The following GLDC variants were observed in gnomAD, a reference collection of about 807,000 sequenced individuals.
GLDC encodes the protein glycine decarboxylase, also known as glycine dehydrogenase (decarboxylating), mitochondrial.
GLDC carries 104 observed loss-of-function variants against 121.3 expected under a neutral mutation model. That is an observed-to-expected ratio of 0.86 (90% confidence interval 0.73 to 1.01). The LOEUF (loss-of-function observed/expected upper bound fraction) is 1.01, where lower values mean the gene tolerates loss of function less well. Among genes scored for constraint, GLDC ranks in the 50% least tolerant of loss-of-function variants. GLDC has a pLI of 0.00. For missense variants in GLDC, 1,429 were observed against 1,306.6 expected, an observed-to-expected ratio of 1.09 and a Z score of -1.44; for synonymous variants, 546 against 480.6, an observed-to-expected ratio of 1.14 and a Z score of -1.78.
chr9:6,543,633 C>T (rs1442344254), intron 21 of GLDC, among the ~76,000 whole-genome samples: 1 of 152,186 alleles, frequency 6.6e-6, no homozygotes, highest in Non-Finnish European at 1.5e-5. Context: ...GGAATTCCAG[C>T]ATCTCTCTCC....
chr9:6,641,244 G>C (rs757505879), intron 2 of GLDC, among the ~76,000 whole-genome samples: 6 of 152,176 alleles, frequency 3.9e-5, no homozygotes, highest in Non-Finnish European at 7.3e-5. Context: ...ATCTAGCAGA[G>C]CATCACTGCT....
chr9:6,577,032 C>G (rs1282508859), intron 15 of GLDC, among the ~76,000 whole-genome samples: 3 of 152,164 alleles, frequency 2.0e-5, no homozygotes, highest in Non-Finnish European at 4.4e-5. Context: ...AGAAAGGTCC[C>G]TGCTGCAGCA....
At chr9:6,592,259 C>G (rs374125258) in intron 10 of GLDC, 36 bp from the exon 11 acceptor site, 1 of 1,237,900 alleles carries the variant, frequency 8.1e-7, no homozygotes, top group African/African-American at 1.5e-5. Context: ...AACATCAACT[C>G]TAAACTCCAC....
In GLDC at chr9:6,589,135, C is replaced by G. The variant is rs1300500099; in HGVS notation, c.1580+60G>C. The G allele has an allele frequency of 4.9e-6, 5 of 1,020,952 alleles. No individual in the cohort carries two copies. In the African/African-American group the frequency reaches 7.8e-5, roughly 16 times the overall value. 63.2% of individuals were successfully genotyped at this position (1,020,952 alleles called of 1,614,324 possible). On this transcript the variant is annotated intron_variant, in intron 12 of 24. Coordinates refer to ENST00000321612, the MANE Select transcript of GLDC (RefSeq NM_000170.3). ...AGGCGAAATCAGCAGCAGCACTCTG[C>G]CTAACTCCCTAGCTGATTACCAAAG...
intron 21 of GLDC, 99 bp from the exon 22 acceptor site, chr9:6,540,245 T>C (rs1817226997): frequency 2.4e-6 from 2 of 825,058 alleles, no homozygotes; most frequent in South Asian, 1.4e-5. Flanking sequence ...ATCAGCTTTT[T>C]ATGTGTATCA....
At chr9:6,622,966 C>T (rs1157856824) in intron 2 of GLDC, 4 of 193,200 alleles carry the variant, frequency 2.1e-5, no homozygotes, top group South Asian at 1.5e-4. Flanking sequence ...CGTCTCCGCC[C>T]GGCAGCCACC....
chr9:6,555,202 G>A (rs925934531), intron 18 of GLDC, among the ~76,000 whole-genome samples: 6 of 152,124 alleles, frequency 3.9e-5, no homozygotes, highest in East Asian at 1.9e-4. Flanking sequence ...GCACGTTACC[G>A]AACGGCCCCG....
chr9:6,591,529 T>C (rs1264041125), intron 11 of GLDC, among the ~76,000 whole-genome samples: 1 of 152,234 alleles, frequency 6.6e-6, no homozygotes, highest in African/African-American at 2.4e-5. Flanking sequence ...AATTTTCCAA[T>C]GAATGACATA....
chr9:6,584,586 TC>T (rs1818231593), intron 15 of GLDC, among the ~76,000 whole-genome samples: 1 of 152,214 alleles, frequency 6.6e-6, no homozygotes, highest in South Asian at 2.1e-4. Context: ...GTGTATCCCT[TC>T]CTTTTTTCTG....
chr9:6,553,283 A>T, intron 20 of GLDC, 85 bp downstream of exon 20: 1 of 1,205,794 alleles, frequency 8.3e-7, no homozygotes, highest in South Asian at 1.3e-5. Flanking sequence ...TTTGTTTTTA[A>T]GCCAAGAAGT....
intron 2 of GLDC, among the ~76,000 whole-genome samples, chr9:6,641,687 G>A (rs1257078545): frequency 6.6e-6 from 1 of 152,166 alleles, no homozygotes; most frequent in Non-Finnish European, 1.5e-5. Flanking sequence ...ATGAAAGCAC[G>A]TTAAAGAGTG....
intron 2 of GLDC, among the ~76,000 whole-genome samples, chr9:6,636,822 G>A (rs1311554644): frequency 7.2e-5 from 11 of 152,050 alleles, no homozygotes; most frequent in Non-Finnish European, 1.6e-4. Flanking sequence ...AGTGGCTCAT[G>A]ACTGTAATCC....
chr9:6,639,627 C>G, intron 2 of GLDC: 1 of 627,496 alleles, frequency 1.6e-6, no homozygotes, highest in Non-Finnish European at 2.9e-6. Flanking sequence ...GTCCAGCTGC[C>G]TAATTCTAAA....
At chr9:6,597,734 A>T (rs1366675715) in intron 8 of GLDC, among the ~76,000 whole-genome samples, 1 of 152,158 alleles carries the variant, frequency 6.6e-6, no homozygotes, top group Non-Finnish European at 1.5e-5. Context: ...CAGGAGATCG[A>T]GACCATCCTG....
At chr9:6,556,718 G>T (rs902247196) in intron 17 of GLDC, among the ~76,000 whole-genome samples, 1 of 151,860 alleles carries the variant, frequency 6.6e-6, no homozygotes, top group Non-Finnish European at 1.5e-5. Context: ...TGCTTGAACC[G>T]GTGAGGTGGA....
chr9:6,593,154 C>G, intron 9 of GLDC, 164 bp from the exon 10 acceptor site: 2 of 675,776 alleles, frequency 3.0e-6, no homozygotes, highest in Non-Finnish European at 5.3e-6. Context: ...TATTATCATG[C>G]TGTAGAAAAT....
chr9:6,595,044 C>A lies in GLDC; in HGVS notation c.1231G>T (p.Val411Leu). Reference sequence around the variant, plus strand: ...GACAAAATCAAAGTGGCATTATGTACCCTCCTAGCAATATGCTCCAGCCCA... The same window carrying A: ...GACAAAATCAAAGTGGCATTATGTAACCTCCTAGCAATATGCTCCAGCCCA... ...SHGLEHIARR[V>L]HNATLILSEG... Residue 411 changes from valine (V) to leucine (L), a missense_variant, in exon 9 of 25, where the codon GTA becomes TTA. Physicochemically the swap from Val to Leu is conservative, Grantham distance 32. Coordinates refer to ENST00000321612, the MANE Select transcript of GLDC (RefSeq NM_000170.3). 6.2e-7 allele frequency: 1 copy of A among 1,610,836 alleles called. No homozygotes were observed.
Position 6,534,799 on chromosome 9 carries a change from G to C in GLDC, c.2839-11C>G. Reference sequence around the variant, plus strand: ...GGAGTGTGGAGACATCTGAGACAGAGACACGGACAGAGGAGGGGTCAGAGC... The same window carrying C: ...GGAGTGTGGAGACATCTGAGACAGACACACGGACAGAGGAGGGGTCAGAGC... On this transcript the variant is annotated splice_polypyrimidine_tract_variant and intron_variant, in intron 23 of 24. Transcript: ENST00000321612. 6.7e-7 allele frequency: 1 copy of C among 1,499,764 alleles called. No individual in the cohort carries two copies. The highest frequency in any genetic ancestry group is 9.3e-7 in the Non-Finnish European group (1 of 1,075,912). The allele number at this position is 1,499,764 out of a possible 1,614,324, so 92.9% of individuals were successfully genotyped here. A position where few individuals can be genotyped will look rare whatever the true frequency, so the allele number is the denominator to read the frequency against.
chr9:6,606,615 T>A lies in GLDC; in HGVS notation c.690A>T (p.Ile230=). ...ACTTGGCTCGAGTCTGGACAACAGC[T>A]ATTGTCTGTGGGTGGCAACGGGGAT... ...LVDPRCHPQT[I]AVVQTRAKYT... The change falls in exon 5 of 25, where the codon ATA becomes ATT. Residue 230 remains isoleucine (I), a synonymous_variant. Transcript: ENST00000321612. The A allele has an allele frequency of 6.2e-7, 1 of 1,605,788 alleles. No individual in the cohort carries two copies. The highest frequency in any genetic ancestry group is 8.5e-7 in the Non-Finnish European group (1 of 1,172,546).
Sources: gnomAD v4.1 joint callset for allele counts (sites outside exome capture counted in the v4.1 genomes callset) on GRCh38, gnomAD v4.1.1 for gene constraint, MANE v1.5 for transcripts, NCBI Gene and HGNC (gene_info 2026-07-23, HGNC 2026-07-21) for gene names.